SAMD12: variants seen among roughly 807,000 people sequenced by gnomAD.
SAMD12 encodes the protein sterile alpha motif domain containing 12.
A neutral mutation model predicts 15.0 loss-of-function variants in SAMD12; 9 were observed. The observed-to-expected ratio is 0.60, with a 90% CI of 0.36 to 1.05. The LOEUF is 1.05. SAMD12 is among the 50% of genes least tolerant of loss of function. The probability of loss-of-function intolerance (pLI) is 0.01; values close to 1 mark genes in which losing one functional copy is unlikely to be tolerated. For missense variants in SAMD12, 230 were observed against 234.2 expected (o/e 0.98, Z 0.12); for synonymous variants, 86 against 90.1 (o/e 0.96, Z 0.25).
intron 3 of SAMD12, among the ~76,000 whole-genome samples, chr8:118,437,642 C>T (rs547701194): frequency 2.6e-5 from 4 of 152,012 alleles, no homozygotes; most frequent in Non-Finnish European, 5.9e-5. Flanking sequence ...AGCAGCTTGC[C>T]CAAGATCCCA....
chr8:118,464,103 C>A (rs1039297422), intron 2 of SAMD12, among the ~76,000 whole-genome samples: 1 of 152,056 alleles, frequency 6.6e-6, no homozygotes, highest in African/African-American at 2.4e-5. Flanking sequence ...GCTGATCCTT[C>A]AATTATATAC....
At chr8:118,554,971 C>G (rs560354384) in intron 2 of SAMD12, among the ~76,000 whole-genome samples, 4 of 152,170 alleles carry the variant, frequency 2.6e-5, no homozygotes, top group Admixed American at 2.6e-4. Flanking sequence ...CTCTGTTTCT[C>G]TGGAGAACCC....
the SAMD12 span, among the ~76,000 whole-genome samples, chr8:118,172,745 T>C: frequency 2.6e-5 from 4 of 152,184 alleles, no homozygotes; most frequent in Admixed American, 1.3e-4. Flanking sequence ...TGCCTCTCTT[T>C]CCTTTTTTTT....
intron 4 of SAMD12, among the ~76,000 whole-genome samples, chr8:118,274,615 T>C (rs564769442): frequency 9.6e-4 from 146 of 152,296 alleles, no homozygotes; most frequent in Middle Eastern, 6.8e-3. Context: ...TGTTAATGAT[T>C]TACTTTTCTT....
chr8:118,425,730 T>A (rs1822212057), intron 3 of SAMD12, among the ~76,000 whole-genome samples: 1 of 152,084 alleles, frequency 6.6e-6, no homozygotes, highest in Non-Finnish European at 1.5e-5. Flanking sequence ...GGGGAAAAAA[T>A]AACTGGATCT....
chr8:118,337,844 A>G (rs1817159712), intron 4 of SAMD12, among the ~76,000 whole-genome samples: 1 of 152,240 alleles, frequency 6.6e-6, no homozygotes, highest in Non-Finnish European at 1.5e-5. Flanking sequence ...AAATAGTGAA[A>G]GTTCTCAACT....
intron 3 of SAMD12, among the ~76,000 whole-genome samples, chr8:118,415,448 G>GGTGT (rs58176749): frequency 0.2 from 28,867 of 142,718 alleles, 3,053 homozygotes; most frequent in Middle Eastern, 0.33. Context: ...CTTGTCCTAA[G>GGTGT]GTGTGTGTGT....
chr8:118,198,181 G>GA (rs1244016497), intron 4 of SAMD12, among the ~76,000 whole-genome samples: 1 of 151,934 alleles, frequency 6.6e-6, no homozygotes, highest in African/African-American at 2.4e-5. Context: ...ATGCAATCTA[G>GA]AAAAAAAATA....
At chr8:118,322,453 C>A (rs1816333000) in intron 4 of SAMD12, among the ~76,000 whole-genome samples, 1 of 152,212 alleles carries the variant, frequency 6.6e-6, no homozygotes, top group Non-Finnish European at 1.5e-5. Flanking sequence ...AGTTCATCAG[C>A]TTTTAACGTA....
At chr8:118,288,916 G>A (rs1814206746) in intron 4 of SAMD12, among the ~76,000 whole-genome samples, 1 of 152,166 alleles carries the variant, frequency 6.6e-6, no homozygotes, top group Admixed American at 6.5e-5. Context: ...GGTCTCCCAT[G>A]CTAGAAAAAT....
At chr8:118,286,577 C>CA (rs1814034107) in intron 4 of SAMD12, among the ~76,000 whole-genome samples, 1 of 152,164 alleles carries the variant, frequency 6.6e-6, no homozygotes, top group Admixed American at 6.5e-5. Context: ...ACCCCTGTGG[C>CA]GATGTGTCAT....
the SAMD12 span, among the ~76,000 whole-genome samples, chr8:118,176,127 C>T: frequency 6.6e-6 from 1 of 152,056 alleles, no homozygotes; most frequent in Non-Finnish European, 1.5e-5. Flanking sequence ...CGGTGAAACC[C>T]CATCTCTACT....
chr8:118,384,568 C>T (rs970033490), intron 3 of SAMD12, among the ~76,000 whole-genome samples: 4 of 152,102 alleles, frequency 2.6e-5, no homozygotes, highest in Non-Finnish European at 4.4e-5. Context: ...AGAGATGACT[C>T]ACATTTTCAA....
chr8:118,498,078 A>T (rs1473477098), intron 2 of SAMD12, among the ~76,000 whole-genome samples: 1 of 152,240 alleles, frequency 6.6e-6, no homozygotes, highest in African/African-American at 2.4e-5. Context: ...AACTGAAACA[A>T]GGCAAGGCAT....
intron 4 of SAMD12, among the ~76,000 whole-genome samples, chr8:118,316,252 T>C (rs978202516): frequency 1.3e-5 from 2 of 151,496 alleles, no homozygotes; most frequent in African/African-American, 4.9e-5. Context: ...GTTGGGAGAT[T>C]GGCCAGGTGC....
At chr8:118,518,670 CATAAT>C (rs1825311880) in intron 2 of SAMD12, among the ~76,000 whole-genome samples, 2 of 152,172 alleles carry the variant, frequency 1.3e-5, no homozygotes, top group South Asian at 4.1e-4. Flanking sequence ...GCCCTGACTG[CATAAT>C]ACACACCTCG....
intron 3 of SAMD12, among the ~76,000 whole-genome samples, chr8:118,424,231 C>T (rs1379991957): frequency 6.6e-6 from 1 of 152,044 alleles, no homozygotes; most frequent in Non-Finnish European, 1.5e-5. Context: ...TTATATAATT[C>T]TTTACATACA....
intron 2 of SAMD12, among the ~76,000 whole-genome samples, chr8:118,446,270 T>A (rs1205227445): frequency 4.6e-5 from 7 of 151,806 alleles, no homozygotes; most frequent in Admixed American, 3.9e-4. Context: ...TTGCCCACAC[T>A]GAATATTATT....
At chr8:118,405,269 A>C (rs1821069520) in intron 3 of SAMD12, among the ~76,000 whole-genome samples, 1 of 152,312 alleles carries the variant, frequency 6.6e-6, no homozygotes, top group Non-Finnish European at 1.5e-5. Flanking sequence ...AGTCATGTAC[A>C]AGAAAGTTCA....
Sources: gnomAD v4.1 joint callset for allele counts (sites outside exome capture counted in the v4.1 genomes callset) on GRCh38, gnomAD v4.1.1 for gene constraint, MANE v1.5 for transcripts, NCBI Gene and HGNC (gene_info 2026-07-23, HGNC 2026-07-21) for gene names.